ARSL: variants seen among roughly 807,000 people sequenced by gnomAD.
ARSL encodes the protein arylsulfatase L.
ARSL carries 4 observed loss-of-function variants against 31.1 expected under a neutral mutation model. The ratio of observed to expected loss-of-function variants is 0.13; its 90% CI spans 0.06 to 0.29. The LOEUF (loss-of-function observed/expected upper bound fraction) is 0.29, where lower values mean the gene tolerates loss of function less well. ARSL is among the 10% of genes least tolerant of loss of function. The probability of loss-of-function intolerance (pLI) is 1.00; values close to 1 mark genes in which losing one functional copy is unlikely to be tolerated. For synonymous variants in ARSL, 198 were observed against 209.9 expected, an observed-to-expected ratio of 0.94 and a Z score of 0.49; for missense variants, 312 against 497.8, an observed-to-expected ratio of 0.63 and a Z score of 3.55.
In ARSL at chrX:2,943,079, T is replaced by C; in HGVS notation, c.1112A>G (p.Asn371Ser). The C allele has an allele frequency of 8.3e-7, 1 of 1,211,167 alleles. No individual in the cohort carries two copies. Among genetic ancestry groups the C allele is most frequent in the Non-Finnish European group, 1.1e-6 (1 of 895,276 alleles). The part of the protein sequence containing the change: ...QLGNTQYGGW[N>S]GIYKGGKGMG... ...CTCAGTCTTACCTTTATAAATTCCA[T>C]TCCAGCCACCATACTGGGTGTTTCC... The change falls in exon 8 of 11, where the codon AAT (asparagine) becomes AGT (serine). Residue 371 changes from asparagine (N) to serine (S), a missense_variant. Physicochemically the swap from Asn to Ser is conservative, Grantham distance 46. Transcript: ENST00000381134.
upstream of ARSL, among the ~76,000 whole-genome samples, chrX:2,966,868 A>G (rs2089704037): frequency 9.1e-6 from 1 of 109,814 alleles, no homozygotes; most frequent in African/African-American, 3.3e-5. Flanking sequence ...ATCTACATAC[A>G]TGTTTATGTG....
intron 7 of ARSL, among the ~76,000 whole-genome samples, chrX:2,944,473 C>A (rs4892910): frequency 2.4e-4 from 23 of 94,127 alleles, no homozygotes; most frequent in East Asian, 6.6e-4. Context: ...ACAAAAAAAA[C>A]AAAAAAAAAA....
At chrX:2,939,834 A>T (rs1453597623) in intron 8 of ARSL, among the ~76,000 whole-genome samples, 1 of 104,730 alleles carries the variant, frequency 9.5e-6, no homozygotes, top group Non-Finnish European at 2.0e-5. Flanking sequence ...TTTGAATATA[A>T]TGTGGCCAGC....
intron 7 of ARSL, 150 bp downstream of exon 7, chrX:2,945,848 T>A: frequency 4.0e-6 from 3 of 742,093 alleles, no homozygotes; most frequent in Middle Eastern, 3.8e-4. Context: ...GCAGTGAAGA[T>A]CTGTGCTATA....
chrX:2,960,216 C>T (rs1327338421), intron 2 of ARSL, among the ~76,000 whole-genome samples, 162 bp downstream of exon 2: 1 of 71,815 alleles, frequency 1.4e-5, no homozygotes, highest in South Asian at 9.7e-4. Context: ...TTGCAGTGAG[C>T]CGAGATCGCG....
rs754069862 is a variant in ARSL, at chrX:2,946,599, C to T, written c.855-465G>A. 3.7e-3 allele frequency among the ~76,000 whole-genome samples: 380 copies of T among 101,933 alleles called. 3 individuals carry two copies. The highest frequency in any genetic ancestry group is 5.9e-3 in the Non-Finnish European group (295 of 50,397). The allele number at this position is 101,933 out of a possible 115,157, so 88.5% of individuals were successfully genotyped here. On this transcript the variant is annotated intron_variant, in intron 6 of 10. Coordinates refer to ENST00000381134, the MANE Select transcript of ARSL (RefSeq NM_000047.3). ...ACTCCTCGGCTCAAGTGACCTGCCCCTGCCCATCTCGGCCTTCCAAAGTGT... is the reference window on the plus strand; with the variant it reads ...ACTCCTCGGCTCAAGTGACCTGCCCTTGCCCATCTCGGCCTTCCAAAGTGT...
intron 1 of ARSL, among the ~76,000 whole-genome samples, chrX:2,962,605 G>T (rs1157662404): frequency 2.7e-5 from 3 of 111,757 alleles, no homozygotes; most frequent in Non-Finnish European, 5.7e-5. Flanking sequence ...GGAGAGAAGC[G>T]ATTGGTTGAG....
intron 3 of ARSL, among the ~76,000 whole-genome samples, chrX:2,956,106 G>A (rs111281032): frequency 0.049 from 5,421 of 111,772 alleles, 284 homozygotes; most frequent in African/African-American, 0.17. Context: ...CTGAGAGACC[G>A]ACCTCAGAGG....
intron 7 of ARSL, 45 bp from the exon 8 acceptor site, chrX:2,943,244 T>C (rs1278374194): frequency 5.0e-6 from 6 of 1,199,618 alleles, no homozygotes; most frequent in Non-Finnish European, 6.7e-6. Flanking sequence ...TGGAAAAATA[T>C]CAGAAATGCA....
chrX:2,937,393 C>CA (rs752865403), intron 9 of ARSL, among the ~76,000 whole-genome samples: 1,291 of 70,779 alleles, frequency 0.018, 27 homozygotes, highest in African/African-American at 0.058. Context: ...GACTCAGTCT[C>CA]AAAAAAAAAA....
chrX:2,958,351 G>C lies in ARSL; in HGVS notation c.108C>G (p.Ser36=). The C allele has an allele frequency of 9.1e-6, 11 of 1,212,017 alleles. No homozygotes were observed. Among genetic ancestry groups the C allele is most frequent in the Non-Finnish European group, 1.2e-5 (11 of 895,601 alleles). ...APSASSDISA[S]RPNILLLMAD... ...CCATCAGAAGAAGGATGTTCGGTCG[G>C]GAGGCGGAAATGTCGCTGGAAGCTG... Residue 36 remains serine, a synonymous_variant, in exon 3 of 11, where the codon TCC becomes TCG. Coordinates refer to ENST00000381134, the MANE Select transcript of ARSL (RefSeq NM_000047.3).
rs1269469204 is a variant in ARSL, at chrX:2,935,203, T to G, written c.1412-13A>C. 3.3e-6 allele frequency: 4 copies of G among 1,205,195 alleles called. No homozygotes were observed. ...CACATTGTTCCTCCTGGTGGAAAGA[T>G]AATCATTACAGAGTTGGCATAGAGA... On this transcript the variant is annotated splice_polypyrimidine_tract_variant and intron_variant, in intron 10 of 10. Coordinates refer to ENST00000381134, the MANE Select transcript of ARSL (RefSeq NM_000047.3).
At chrX:2,937,157 G>A (rs1415443507) in intron 9 of ARSL, among the ~76,000 whole-genome samples, 1 of 111,751 alleles carries the variant, frequency 8.9e-6, no homozygotes, top group Non-Finnish European at 1.9e-5. Context: ...ACTTTGGGAG[G>A]TCGAGGCGGG....
rs63021261 is a variant in ARSL, at chrX:2,951,874, G to GT, written c.430+1268dup. On this transcript the variant is annotated intron_variant, in intron 5 of 10. Coordinates refer to ENST00000381134, the MANE Select transcript of ARSL (RefSeq NM_000047.3). ...CGATGACTGAATCTCCCCAGAATTT[G>GT]TTTTTTTTTTTTTTTTGGTAAAAAA... Among the ~76,000 whole-genome samples the GT allele has an allele frequency of 4.0e-3, 334 of 84,138 alleles. 3 individuals carry two copies. The highest frequency in any genetic ancestry group is 7.9e-3 in the African/African-American group (169 of 21,407). The allele number at this position is 84,138 out of a possible 115,157, so 73.1% of individuals were successfully genotyped here. A position where few individuals can be genotyped will look rare whatever the true frequency, so the allele number is the denominator to read the frequency against.
At chrX:2,937,404 AAAG>A (rs1361870284) in intron 9 of ARSL, among the ~76,000 whole-genome samples, 4 of 110,205 alleles carry the variant, frequency 3.6e-5, no homozygotes, top group Non-Finnish European at 7.6e-5. Flanking sequence ...AAAAAAAAAA[AAAG>A]AAGAAAAAAA....
intron 2 of ARSL, among the ~76,000 whole-genome samples, chrX:2,959,065 C>G (rs749241786): frequency 8.9e-6 from 1 of 112,134 alleles, no homozygotes; most frequent in African/African-American, 3.2e-5. Context: ...CCCAGAACAG[C>G]TATTGCCCCT....
chrX:2,944,466 A>G (rs4892827), intron 7 of ARSL, among the ~76,000 whole-genome samples: 1 of 58,514 alleles, frequency 1.7e-5, no homozygotes, highest in Non-Finnish European at 4.2e-5. Context: ...AAAAAAAACA[A>G]AAAAAACAAA....
rs746488781 is a variant in ARSL at position 2,949,594 on chromosome X, C to T, written c.564G>A (p.Glu188=). ...MGDCARWELS[E]KRVNLEQKLN... The stretch of plus-strand genomic sequence containing the variant: ...GTTTTTGTTCCAGGTTGACACGCTT[C>T]TCTGAGAGTTCCCAGCGGGCGCAAT... Residue 188 remains glutamate (E), a synonymous_variant, in exon 6 of 11, where the codon GAG becomes GAA. Transcript: ENST00000381134. 1 of 1,209,095 alleles carries T rather than the reference C, an allele frequency of 8.3e-7. No homozygotes were observed. The highest frequency in any genetic ancestry group is 1.8e-5 in the African/African-American group (1 of 56,869).
chrX:2,945,274 G>A lies in ARSL; in HGVS notation c.991+724C>T, dbSNP rs1047398557. 2.0e-4 allele frequency among the ~76,000 whole-genome samples: 22 copies of A among 111,444 alleles called. 1 individual carries two copies. The highest frequency in any genetic ancestry group is 6.5e-4 in the African/African-American group (20 of 30,608). On this transcript the variant is annotated intron_variant, in intron 7 of 10. Coordinates refer to ENST00000381134, the MANE Select transcript of ARSL (RefSeq NM_000047.3). ...TCCACGTGGCCAGAATGCAGCAGGT[G>A]GGGAGGACAAGGGGGTTGGGTAGAG...
Sources: allele counts gnomAD v4.1 joint callset (sites outside exome capture counted in the v4.1 genomes callset), GRCh38; gene constraint gnomAD v4.1.1; transcripts MANE v1.5; gene names NCBI Gene and HGNC (gene_info 2026-07-23, HGNC 2026-07-21).